RALGAPA2: variants seen among roughly 807,000 people sequenced by gnomAD.
RALGAPA2 encodes the protein ral GTPase-activating protein subunit alpha-2.
A neutral mutation model predicts 230.4 loss-of-function variants in RALGAPA2; 139 were observed. The ratio of observed to expected loss-of-function variants is 0.60; its 90% CI spans 0.53 to 0.69. The LOEUF (loss-of-function observed/expected upper bound fraction) is 0.69, where lower values mean the gene tolerates loss of function less well. Among genes scored for constraint, RALGAPA2 ranks in the 30% least tolerant of loss-of-function variants. The pLI is 0.00. For missense variants in RALGAPA2, 2,163 were observed against 2,276.0 expected (o/e 0.95, Z 1.01); for synonymous variants, 847 against 837.8 (o/e 1.01, Z -0.19).
intron 30 of RALGAPA2, among the ~76,000 whole-genome samples, chr20:20,523,779 C>T (rs993203497): frequency 1.3e-5 from 2 of 151,894 alleles, no homozygotes; most frequent in African/African-American, 4.8e-5. Context: ...TGTAGATATC[C>T]CTATAATATG....
intron 15 of RALGAPA2, among the ~76,000 whole-genome samples, chr20:20,604,936 ATCACTACTATTACTACTACCT>A (rs934041310): frequency 9.2e-5 from 14 of 152,214 alleles, no homozygotes; most frequent in Non-Finnish European, 1.9e-4. Flanking sequence ...ACTGTTAGTT[ATCACTACTATTACTACTACCT>A]TCCTTGCATC....
At position 20,419,818 on chromosome 20, in the gene RALGAPA2, C is replaced by A. The variant is rs76793710; in HGVS notation, c.5496-7670G>T. Among the ~76,000 whole-genome samples the A allele has an allele frequency of 2.4e-3, 372 of 152,270 alleles. 3 individuals carry two copies. The highest frequency in any genetic ancestry group is 8.4e-3 in the African/African-American group (351 of 41,554). Reference sequence around the variant, plus strand: ...GCTGTGCTATTTTCAAAAAGCAAATCCACCTTCATTCAAGCGCTCATCCAT... The same window carrying A: ...GCTGTGCTATTTTCAAAAAGCAAATACACCTTCATTCAAGCGCTCATCCAT... On this transcript the variant is annotated intron_variant, in intron 37 of 39. Coordinates refer to ENST00000202677, the MANE Select transcript of RALGAPA2 (RefSeq NM_020343.4).
At chr20:20,501,610 G>A (rs970350030) in intron 35 of RALGAPA2, among the ~76,000 whole-genome samples, 5 of 152,248 alleles carry the variant, frequency 3.3e-5, no homozygotes, top group South Asian at 4.1e-4. Flanking sequence ...AGGCTATTTC[G>A]TTTTCTTTAT....
intron 1 of RALGAPA2, among the ~76,000 whole-genome samples, chr20:20,709,489 T>C (rs978630889): frequency 6.6e-6 from 1 of 151,846 alleles, no homozygotes; most frequent in East Asian, 1.9e-4. Flanking sequence ...AAGATCCTGT[T>C]AAAAAAAAGA....
intron 10 of RALGAPA2, 58 bp downstream of exon 10, chr20:20,629,305 A>G: frequency 1.4e-6 from 2 of 1,400,656 alleles, no homozygotes; most frequent in Non-Finnish European, 2.0e-6. Context: ...AATCATTTCC[A>G]TTTCAAGAAC....
chr20:20,410,608 C>G (rs78828846), intron 38 of RALGAPA2, among the ~76,000 whole-genome samples: 1 of 152,096 alleles, frequency 6.6e-6, no homozygotes, highest in African/African-American at 2.4e-5. Context: ...CTAGCCAGAC[C>G]GAGTATGAAA....
At chr20:20,421,774 T>C (rs76978826) in intron 37 of RALGAPA2, among the ~76,000 whole-genome samples, 1,649 of 152,310 alleles carry the variant, frequency 0.011, 37 homozygotes, top group African/African-American at 0.038. Context: ...ATTCTACTCC[T>C]AGAAGTTCAA....
Position 20,535,607 on chromosome 20 carries a change from G to A in RALGAPA2, c.3473+138C>T, listed in dbSNP as rs892948343. On this transcript the variant is annotated intron_variant, in intron 26 of 39. Transcript: ENST00000202677. ...AATAATCATGCAAAGCATCTTCCTG[G>A]CATCATTCTTCCTAGACTTTTCAGT... is the stretch of plus-strand genomic sequence containing the variant. 3 of 1,258,418 alleles carry A rather than the reference G, an allele frequency of 2.4e-6. No homozygotes were observed. The African/African-American group carries it at 4.6e-5, about 19-fold the overall frequency. 78.0% of individuals were successfully genotyped at this position (1,258,418 alleles called of 1,614,324 possible).
At chr20:20,700,345 T>C (rs1293741910) in intron 1 of RALGAPA2, among the ~76,000 whole-genome samples, 3 of 151,964 alleles carry the variant, frequency 2.0e-5, no homozygotes, top group Non-Finnish European at 4.4e-5. Context: ...AAACAACCTA[T>C]TGGGCACTAT....
intron 36 of RALGAPA2, among the ~76,000 whole-genome samples, chr20:20,493,152 G>A (rs1285084847): frequency 1.3e-5 from 2 of 152,090 alleles, no homozygotes; most frequent in Non-Finnish European, 2.9e-5. Flanking sequence ...TAAATACCAG[G>A]GACTGAAGCC....
chr20:20,499,570 T>C (rs913726400), intron 35 of RALGAPA2, among the ~76,000 whole-genome samples: 5 of 152,150 alleles, frequency 3.3e-5, no homozygotes, highest in African/African-American at 1.2e-4. Context: ...AGAGTTCCCT[T>C]TGCTGAGAGC....
chr20:20,450,720 A>C lies in RALGAPA2; in HGVS notation c.5495+22109T>G, dbSNP rs983184767. On this transcript the variant is annotated intron_variant, in intron 37 of 39. Coordinates refer to ENST00000202677, the MANE Select transcript of RALGAPA2 (RefSeq NM_020343.4). ...TCGCCAAGAGTGAGAATAATGGTCCAACAGTCCTTCTGGGTGCCTGTGATC... is the reference window on the plus strand; with the variant it reads ...TCGCCAAGAGTGAGAATAATGGTCCCACAGTCCTTCTGGGTGCCTGTGATC... Among the ~76,000 whole-genome samples the C allele has an allele frequency of 4.6e-5, 7 of 152,252 alleles. 1 individual carries two copies. Among genetic ancestry groups the C allele is most frequent in the Non-Finnish European group, 1.0e-4 (7 of 68,046 alleles).
At position 20,676,302 on chromosome 20, in the gene RALGAPA2, A is replaced by G. The variant is rs747738060; in HGVS notation, c.218-14T>C. On this transcript the variant is annotated splice_polypyrimidine_tract_variant and intron_variant, in intron 2 of 39. Transcript: ENST00000202677. ...ACTTATTATTCCCTGGAATATTAAA[A>G]AATAATTAGTTATCATGACATCATT... 1 of 1,530,918 alleles carries G rather than the reference A, an allele frequency of 6.5e-7. No homozygotes were observed. Among genetic ancestry groups the G allele is most frequent in the African/African-American group, 1.4e-5 (1 of 72,922 alleles). 94.8% of individuals were successfully genotyped at this position (1,530,918 alleles called of 1,614,324 possible). A position where few individuals can be genotyped will look rare whatever the true frequency, so the allele number is the denominator to read the frequency against.
chr20:20,400,561 A>G (rs954842127), intron 38 of RALGAPA2, among the ~76,000 whole-genome samples: 5 of 152,242 alleles, frequency 3.3e-5, no homozygotes, highest in African/African-American at 1.2e-4. Context: ...TTATAAATTT[A>G]AAATTAATAT....
intron 31 of RALGAPA2, among the ~76,000 whole-genome samples, chr20:20,514,468 G>A (rs1046413731): frequency 6.6e-6 from 1 of 152,072 alleles, no homozygotes; most frequent in East Asian, 1.9e-4. Flanking sequence ...TCCTGGTGCA[G>A]GGGAACCCTC....
At chr20:20,429,968 G>C (rs747970671) in intron 37 of RALGAPA2, among the ~76,000 whole-genome samples, 2 of 152,232 alleles carry the variant, frequency 1.3e-5, no homozygotes, top group Non-Finnish European at 1.5e-5. Context: ...ATTCAGGCCT[G>C]ATATTTCATG....
intron 37 of RALGAPA2, among the ~76,000 whole-genome samples, chr20:20,458,806 CTATATATATATAGACCTA>C (rs1569418070): frequency 5.6e-4 from 39 of 69,914 alleles, no homozygotes; most frequent in African/African-American, 7.1e-4. Flanking sequence ...ATATATAGAC[CTATATATATATAGACCTA>C]TATATATATA....
intron 10 of RALGAPA2, among the ~76,000 whole-genome samples, chr20:20,623,299 A>G (rs958890284): frequency 6.6e-6 from 1 of 152,178 alleles, no homozygotes; most frequent in Non-Finnish European, 1.5e-5. Context: ...CCATACAAAC[A>G]CTAGCCAAAA....
intron 1 of RALGAPA2, among the ~76,000 whole-genome samples, chr20:20,686,663 T>G (rs977409261): frequency 2.0e-5 from 3 of 152,206 alleles, no homozygotes; most frequent in Non-Finnish European, 4.4e-5. Context: ...AGTTTTAGAA[T>G]TACTTTGCTC....
Sources: gnomAD v4.1 joint callset for allele counts (sites outside exome capture counted in the v4.1 genomes callset) on GRCh38, gnomAD v4.1.1 for gene constraint, MANE v1.5 for transcripts, NCBI Gene and HGNC (gene_info 2026-07-23, HGNC 2026-07-21) for gene names.